Variants in TMEM50A observed in about 807,000 individuals in gnomAD.
TMEM50A encodes transmembrane protein 50A, also known as cervical cancer oncogene 9.
A neutral mutation model predicts 23.9 loss-of-function variants in TMEM50A; 8 were observed. The ratio of observed to expected loss-of-function variants is 0.33; its 90% CI spans 0.20 to 0.60. The LOEUF is 0.60. Among genes scored for constraint, TMEM50A ranks in the 20% least tolerant of loss-of-function variants. The pLI is 0.81. For missense variants in TMEM50A, 178 were observed against 192.7 expected (o/e 0.92, Z 0.45); for synonymous variants, 55 against 60.4 (o/e 0.91, Z 0.41).
At chr1:25,358,770 A>G (rs1557589596) in intron 6 of TMEM50A, among the ~76,000 whole-genome samples, 2 of 152,238 alleles carry the variant, frequency 1.3e-5, no homozygotes, top group Non-Finnish European at 2.9e-5. Context: ...TGTGACGAGT[A>G]TTCTGAAGTT....
chr1:25,338,479 G>C (rs1645124995), intron 1 of TMEM50A, 23 bp downstream of exon 1: 1 of 152,476 alleles, frequency 6.6e-6, no homozygotes, highest in African/African-American at 2.4e-5. Flanking sequence ...CGGGGAGTGG[G>C]GGTAAGAGAG....
chr1:25,340,426 C>T, intron 1 of TMEM50A, 48 bp from the exon 2 acceptor site: 3 of 1,360,118 alleles, frequency 2.2e-6, no homozygotes, highest in Non-Finnish European at 3.1e-6. Context: ...GGGCTTGAAG[C>T]AAGTAAATGG....
chr1:25,346,149 C>T (rs1253381044), intron 3 of TMEM50A, among the ~76,000 whole-genome samples: 1 of 152,082 alleles, frequency 6.6e-6, no homozygotes, highest in African/African-American at 2.4e-5. Context: ...ATCTGTTAAA[C>T]ATTTTTGCAT....
At chr1:25,356,266 CTCTT>C (rs1290587947) in intron 5 of TMEM50A, among the ~76,000 whole-genome samples, 2 of 152,178 alleles carry the variant, frequency 1.3e-5, no homozygotes. Flanking sequence ...CCCAGTTGCC[CTCTT>C]TCTTTACCCT....
intron 4 of TMEM50A, 43 bp downstream of exon 4, chr1:25,351,736 C>T: frequency 6.5e-7 from 1 of 1,543,794 alleles, no homozygotes; most frequent in Non-Finnish European, 8.8e-7. Flanking sequence ...TGCTTAAATC[C>T]TTAAGATGAG....
At chr1:25,344,730 T>G (rs1251553505) in intron 3 of TMEM50A, among the ~76,000 whole-genome samples, 1 of 151,792 alleles carries the variant, frequency 6.6e-6, no homozygotes, top group Non-Finnish European at 1.5e-5. Context: ...TTTGTTTTTT[T>G]TTGGTGGTTG....
chr1:25,347,312 T>C (rs888628254), intron 3 of TMEM50A, among the ~76,000 whole-genome samples: 2 of 152,070 alleles, frequency 1.3e-5, no homozygotes. Flanking sequence ...CTCGGTTCAC[T>C]GCAACCTCTG....
At chr1:25,356,948 C>A in intron 6 of TMEM50A, 95 bp downstream of exon 6, 2 of 776,472 alleles carry the variant, frequency 2.6e-6, no homozygotes, top group Non-Finnish European at 4.1e-6. Flanking sequence ...ATTACTCATC[C>A]AATGCCCCTC....
At chr1:25,342,936 C>A (rs778876127) in intron 2 of TMEM50A, 25 bp from the exon 3 acceptor site, 6 of 1,588,796 alleles carry the variant, frequency 3.8e-6, no homozygotes, top group Admixed American at 1.7e-5. Context: ...GCTATGATTT[C>A]TCATTGGTAT....
At position 25,342,328 on chromosome 1, in the gene TMEM50A, A is replaced by G. The variant is rs570118726; in HGVS notation, c.94-633A>G. ...TATTGTAAATATCTGCTCAGATGAT[A>G]AAAACTGTTTTTGAAGTTTTGGCGT... On this transcript the variant is annotated intron_variant, in intron 2 of 6. Transcript: ENST00000374358. Among the ~76,000 whole-genome samples the G allele has an allele frequency of 4.6e-5, 7 of 151,614 alleles. No individual in the cohort carries two copies. The South Asian group carries it at 1.5e-3, about 32-fold the overall frequency.
At position 25,362,269 on chromosome 1, in the gene TMEM50A, A is replaced by T; in HGVS notation, c.*1564A>T. 4.0e-6 allele frequency: 3 copies of T among 746,754 alleles called. No homozygotes were observed. Among genetic ancestry groups the T allele is most frequent in the Non-Finnish European group, 6.4e-6 (3 of 470,820 alleles). 46.3% of individuals were successfully genotyped at this position (746,754 alleles called of 1,614,324 possible). ...GTCAATAAAATTAACCCAAAACTTT[A>T]ATAATGTGTCTGTAACCAAGAAAAT... On this transcript the variant is annotated 3_prime_UTR_variant, in exon 7 of 7. Transcript: ENST00000374358.
At chr1:25,341,297 G>A (rs112537579) in intron 2 of TMEM50A, among the ~76,000 whole-genome samples, 2,336 of 151,738 alleles carry the variant, frequency 0.015, 35 homozygotes, top group Middle Eastern at 0.031. Context: ...TCAGTCTGTC[G>A]CCCAGGCTGG....
intron 3 of TMEM50A, among the ~76,000 whole-genome samples, chr1:25,349,062 AC>A (rs1203214297): frequency 2.8e-4 from 42 of 152,240 alleles, no homozygotes; most frequent in African/African-American, 8.4e-4. Context: ...AGGCAGCCCT[AC>A]ATGGGATGCT....
intron 6 of TMEM50A, among the ~76,000 whole-genome samples, chr1:25,357,375 C>CT (rs1338271437): frequency 6.6e-6 from 1 of 152,272 alleles, no homozygotes; most frequent in Non-Finnish European, 1.5e-5. Flanking sequence ...TATCAGTAAT[C>CT]TTCTCTGATG....
intron 3 of TMEM50A, among the ~76,000 whole-genome samples, chr1:25,348,107 T>C (rs892755695): frequency 6.6e-6 from 1 of 152,210 alleles, no homozygotes; most frequent in Non-Finnish European, 1.5e-5. Flanking sequence ...TACATTCTGT[T>C]GCATTAACAT....
intron 6 of TMEM50A, among the ~76,000 whole-genome samples, chr1:25,360,348 CA>C (rs766272933): frequency 0.095 from 7,731 of 81,266 alleles, 488 homozygotes; most frequent in African/African-American, 0.25. Context: ...GACTCTGTCT[CA>C]AAAAAAAAAA....
At chr1:25,351,152 G>A (rs1284859088) in intron 3 of TMEM50A, among the ~76,000 whole-genome samples, 9 of 145,318 alleles carry the variant, frequency 6.2e-5, no homozygotes, top group East Asian at 4.0e-4. Context: ...GAGACAGAGC[G>A]AGACTCCGTC....
intron 3 of TMEM50A, among the ~76,000 whole-genome samples, chr1:25,349,186 A>G (rs1261255376): frequency 1.3e-5 from 2 of 152,252 alleles, no homozygotes; most frequent in Non-Finnish European, 2.9e-5. Context: ...GAGCACACCT[A>G]TAGCCCCCAG....
chr1:25,354,590 T>C (rs1215592249), intron 5 of TMEM50A, among the ~76,000 whole-genome samples: 1 of 151,658 alleles, frequency 6.6e-6, no homozygotes, highest in East Asian at 1.9e-4. Context: ...CCAGCCTGGG[T>C]GACAAAGTGA....
Sources: allele counts gnomAD v4.1 joint callset (sites outside exome capture counted in the v4.1 genomes callset), GRCh38; gene constraint gnomAD v4.1.1; transcripts MANE v1.5; gene names NCBI Gene and HGNC (gene_info 2026-07-23, HGNC 2026-07-21).